Variants in NLGN1 observed in about 807,000 individuals in gnomAD.
The protein encoded by NLGN1 is neuroligin-1.
NLGN1 carries 12 observed loss-of-function variants against 65.5 expected under a neutral mutation model. The ratio of observed to expected loss-of-function variants is 0.18; its 90% CI spans 0.12 to 0.30. The LOEUF (loss-of-function observed/expected upper bound fraction) is 0.30, where lower values mean the gene tolerates loss of function less well. NLGN1 is among the 10% of genes least tolerant of loss of function. The pLI, the probability that NLGN1 is intolerant of heterozygous loss-of-function variation, is 1.00. For missense variants in NLGN1, 750 were observed against 1,007.1 expected (o/e 0.74, Z 3.46); for synonymous variants, 350 against 359.5 (o/e 0.97, Z 0.30).
intron 2 of NLGN1, among the ~76,000 whole-genome samples, chr3:173,577,156 T>C (rs1467506661): frequency 1.3e-5 from 2 of 152,242 alleles, no homozygotes; most frequent in African/African-American, 4.8e-5. Context: ...GTTTGAGTCC[T>C]TGTATGATGA....
exon 7 of NLGN1, chr3:174,282,884 A>G (rs1158528798): frequency 1.3e-5 from 2 of 151,956 alleles, no homozygotes; most frequent in African/African-American, 2.4e-5. Context: ...TTCTCTGACA[A>G]ACTAACTGCA....
intron 2 of NLGN1, among the ~76,000 whole-genome samples, chr3:173,517,794 C>T (rs145365083): frequency 8.7e-4 from 132 of 151,592 alleles, no homozygotes; most frequent in Middle Eastern, 3.4e-3. Flanking sequence ...ATCTATCTAT[C>T]TATCTATCAT....
At chr3:173,406,175 A>T (rs527422) in intron 1 of NLGN1, among the ~76,000 whole-genome samples, 1 of 151,712 alleles carries the variant, frequency 6.6e-6, no homozygotes, top group Non-Finnish European at 1.5e-5. Flanking sequence ...AGGAACTCTT[A>T]TCCTCAAATA....
chr3:173,961,336 G>A (rs142189880), intron 4 of NLGN1, among the ~76,000 whole-genome samples: 59 of 152,068 alleles, frequency 3.9e-4, no homozygotes, highest in African/African-American at 1.4e-3. Context: ...CAGAACATAC[G>A]CTGAGGACAT....
chr3:173,673,014 G>A (rs192665470), intron 3 of NLGN1, among the ~76,000 whole-genome samples: 44 of 152,284 alleles, frequency 2.9e-4, no homozygotes, highest in African/African-American at 1.0e-3. Flanking sequence ...TAATAATTGT[G>A]ATGGCATGAC....
At chr3:173,957,981 G>C (rs1185782294) in intron 4 of NLGN1, among the ~76,000 whole-genome samples, 1 of 152,206 alleles carries the variant, frequency 6.6e-6, no homozygotes, top group Non-Finnish European at 1.5e-5. Context: ...AGGCACACCA[G>C]ATGCTGGCTC....
At chr3:174,166,614 T>C (rs536918377) in intron 4 of NLGN1, among the ~76,000 whole-genome samples, 2 of 152,232 alleles carry the variant, frequency 1.3e-5, no homozygotes, top group East Asian at 3.9e-4. Flanking sequence ...GTAGTCAATC[T>C]TGGAGTATTT....
At chr3:174,275,144 TACTA>T (rs548468352) in intron 4 of NLGN1, among the ~76,000 whole-genome samples, 167 bp from the exon 5 acceptor site, 1 of 151,890 alleles carries the variant, frequency 6.6e-6, no homozygotes, top group South Asian at 2.1e-4. Flanking sequence ...TTTCAGCCAC[TACTA>T]ACTATTCTTG....
intron 4 of NLGN1, among the ~76,000 whole-genome samples, chr3:174,195,613 A>G (rs902042271): frequency 2.0e-5 from 3 of 152,170 alleles, no homozygotes; most frequent in Admixed American, 6.5e-5. Context: ...TTCATAATCC[A>G]TGGCAGCCAA....
chr3:174,145,839 A>G (rs1723125771), intron 4 of NLGN1, among the ~76,000 whole-genome samples: 1 of 152,240 alleles, frequency 6.6e-6, no homozygotes, highest in African/African-American at 2.4e-5. Context: ...TACCTAAAAT[A>G]TCAACAAAAC....
chr3:173,988,269 T>C (rs913080231), intron 4 of NLGN1, among the ~76,000 whole-genome samples: 1 of 152,122 alleles, frequency 6.6e-6, no homozygotes, highest in Non-Finnish European at 1.5e-5. Flanking sequence ...TTACTTGTCT[T>C]TATATAAGAA....
intron 4 of NLGN1, among the ~76,000 whole-genome samples, chr3:174,003,080 A>T (rs1257544494): frequency 1.3e-5 from 2 of 152,148 alleles, no homozygotes; most frequent in Non-Finnish European, 2.9e-5. Context: ...TGAGTTAACT[A>T]GAAACAAGCT....
At position 173,558,420 on chromosome 3, in the gene NLGN1, A is replaced by G. The variant is rs188498899; in HGVS notation, c.-320-45859A>G. 1.4e-4 allele frequency among the ~76,000 whole-genome samples: 22 copies of G among 152,136 alleles called. No individual in the cohort carries two copies. The East Asian group carries it at 2.7e-3, about 19-fold the overall frequency. On this transcript the variant is annotated intron_variant, in intron 2 of 6. Coordinates refer to ENST00000457714, the Ensembl canonical transcript of NLGN1. ...ATTTGCCCCCCCAACCCCATCCTATATATCCTCTCCTCCTGTATTCCAAAT... is the reference window on the plus strand; with the variant it reads ...ATTTGCCCCCCCAACCCCATCCTATGTATCCTCTCCTCCTGTATTCCAAAT...
intron 2 of NLGN1, among the ~76,000 whole-genome samples, chr3:173,576,320 T>A (rs116761919): frequency 0.016 from 2,372 of 152,326 alleles, 27 homozygotes; most frequent in Middle Eastern, 0.027. Flanking sequence ...TAAATAAGTG[T>A]ATTAGTTTTC....
At chr3:174,021,358 A>G (rs1325153683) in intron 4 of NLGN1, among the ~76,000 whole-genome samples, 1 of 152,148 alleles carries the variant, frequency 6.6e-6, no homozygotes, top group African/African-American at 2.4e-5. Flanking sequence ...TTCTATTTAA[A>G]GAACTTTATT....
upstream of NLGN1, among the ~76,000 whole-genome samples, chr3:173,396,862 G>A (rs1339784859): frequency 6.6e-6 from 1 of 152,126 alleles, no homozygotes; most frequent in East Asian, 1.9e-4. Flanking sequence ...CATTGGGGTG[G>A]GGGTGGGGGG....
intron 3 of NLGN1, among the ~76,000 whole-genome samples, chr3:173,699,276 C>T (rs1004538920): frequency 2.6e-5 from 4 of 152,120 alleles, no homozygotes; most frequent in Non-Finnish European, 5.9e-5. Context: ...AATAAAAGAA[C>T]ACAAACTAAA....
At chr3:174,250,240 C>T (rs1298566032) in intron 4 of NLGN1, among the ~76,000 whole-genome samples, 1 of 152,012 alleles carries the variant, frequency 6.6e-6, no homozygotes, top group Admixed American at 6.6e-5. Flanking sequence ...TAGCCAAGTG[C>T]CTAGCACAGA....
chr3:173,878,101 G>A (rs572047424), intron 4 of NLGN1, among the ~76,000 whole-genome samples: 14 of 152,072 alleles, frequency 9.2e-5, no homozygotes, highest in African/African-American at 3.1e-4. Flanking sequence ...GAGTGCAATG[G>A]TGCAATCTCA....
Sources: gnomAD v4.1 joint callset for allele counts (sites outside exome capture counted in the v4.1 genomes callset) on GRCh38, gnomAD v4.1.1 for gene constraint, MANE v1.5 for transcripts, NCBI Gene and HGNC (gene_info 2026-07-23, HGNC 2026-07-21) for gene names.